The following WDR70 variants were observed in gnomAD, a reference collection of about 807,000 sequenced individuals.
WDR70 encodes the protein WD repeat-containing protein 70.
In WDR70, 53 loss-of-function variants were observed where a neutral mutation model predicts 88.6. The observed-to-expected ratio is 0.60, with a 90% confidence interval of 0.48 to 0.75. The LOEUF (loss-of-function observed/expected upper bound fraction) is 0.75, where lower values mean the gene tolerates loss of function less well. Among genes scored for constraint, WDR70 ranks in the 30% least tolerant of loss-of-function variants. The pLI, the probability that WDR70 is intolerant of heterozygous loss-of-function variation, is 0.00. For missense variants in WDR70, 610 were observed against 823.2 expected (o/e 0.74, Z 3.17); for synonymous variants, 280 against 270.0 (o/e 1.04, Z -0.36).
chr5:37,492,054 C>T (rs937915052), intron 8 of WDR70, among the ~76,000 whole-genome samples: 4 of 152,114 alleles, frequency 2.6e-5, no homozygotes, highest in Non-Finnish European at 5.9e-5. Flanking sequence ...TCTAGTGATC[C>T]ATGGCTTCAT....
chr5:37,515,019 G>GAA (rs770128168), intron 8 of WDR70, among the ~76,000 whole-genome samples: 5 of 53,010 alleles, frequency 9.4e-5, no homozygotes, highest in Non-Finnish European at 1.3e-4. Context: ...CCTGTCTCAA[G>GAA]AAAAAAAAAA....
chr5:37,573,926 C>T (rs1048146621), intron 9 of WDR70, among the ~76,000 whole-genome samples: 2 of 152,080 alleles, frequency 1.3e-5, no homozygotes, highest in African/African-American at 4.8e-5. Context: ...TTGTTCTTGG[C>T]TTTTGTGACT....
chr5:37,618,991 A>AT (rs887795394), intron 10 of WDR70, among the ~76,000 whole-genome samples: 3 of 152,168 alleles, frequency 2.0e-5, no homozygotes, highest in African/African-American at 4.8e-5. Context: ...TGTAAGGCTT[A>AT]TTTTTTACAG....
intron 7 of WDR70, among the ~76,000 whole-genome samples, chr5:37,476,090 A>T (rs1047161145): frequency 2.0e-5 from 3 of 151,910 alleles, no homozygotes; most frequent in African/African-American, 7.3e-5. Flanking sequence ...ATCTCAGGTG[A>T]TCCACCCACC....
chr5:37,678,940 C>CT (rs1310437640), intron 10 of WDR70, among the ~76,000 whole-genome samples: 1 of 128,972 alleles, frequency 7.8e-6, no homozygotes, highest in Non-Finnish European at 1.7e-5. Flanking sequence ...TCTTTTTATT[C>CT]TTTTTTCTCT....
Position 37,385,518 on chromosome 5 carries a change from CAAAAA to C in WDR70, c.175+3854_175+3858del, listed in dbSNP as rs1160087859. On this transcript the variant is annotated intron_variant, in intron 3 of 17. Coordinates refer to ENST00000265107, the MANE Select transcript of WDR70 (RefSeq NM_018034.4). ...TGAGTAAAAAAGCGAGAGCCTGTCT[CAAAAA>C]AAAAAAAAAAAAAAAAAAAATTTCT... Among the ~76,000 whole-genome samples the C allele has an allele frequency of 1.9e-4, 13 of 67,870 alleles. No homozygotes were observed. In the South Asian group the frequency reaches 5.2e-3, roughly 27 times the overall value. The allele number at this position is 67,870 out of a possible 152,430, so 44.5% of individuals were successfully genotyped here.
At position 37,752,505 on chromosome 5, in the gene WDR70, T is replaced by C; in HGVS notation, c.1897T>C (p.Phe633Leu). 1 of 1,612,232 alleles carries C rather than the reference T, an allele frequency of 6.2e-7. No individual in the cohort carries two copies. Among genetic ancestry groups the C allele is most frequent in the South Asian group, 1.1e-5 (1 of 90,686 alleles). Residue 633 changes from phenylalanine to leucine, a missense_variant, in exon 18 of 18, where the codon TTT becomes CTT. Coordinates refer to ENST00000265107, the MANE Select transcript of WDR70 (RefSeq NM_018034.4). ...TTTTAGGACTCAGCCCAAAACCATG[T>C]TTGCCCAAGTTGAATCTGATGATGA... ...AYSKTQPKTM[F>L]AQVESDDEEA...
intron 9 of WDR70, among the ~76,000 whole-genome samples, chr5:37,533,424 T>C (rs1741558899): frequency 6.6e-6 from 1 of 151,730 alleles, no homozygotes; most frequent in South Asian, 2.1e-4. Context: ...AATCCCTGTC[T>C]CTACTTAAAA....
intron 9 of WDR70, among the ~76,000 whole-genome samples, chr5:37,551,300 T>C (rs1490935963): frequency 3.3e-5 from 5 of 151,232 alleles, no homozygotes; most frequent in Non-Finnish European, 7.4e-5. Flanking sequence ...AGTAAAACTT[T>C]GTTCCCCCCC....
At chr5:37,526,832 C>A (rs1347730181) in intron 9 of WDR70, among the ~76,000 whole-genome samples, 1 of 152,104 alleles carries the variant, frequency 6.6e-6, no homozygotes, top group Non-Finnish European at 1.5e-5. Flanking sequence ...CATTCTTATA[C>A]AGCAATAACA....
rs545060363 is a variant in WDR70 at position 37,670,368 on chromosome 5, A to T, written c.1093-27287A>T. Among the ~76,000 whole-genome samples, 9 of 152,294 alleles carry T rather than the reference A, an allele frequency of 5.9e-5. No individual in the cohort carries two copies. The South Asian group carries it at 1.9e-3, about 32-fold the overall frequency. Reference sequence around the variant, plus strand: ...GAGGCAGCGAGAGTGTCAGTCATTTATGCTTTTCACGATGGGAGGTGTGAG... The same window carrying T: ...GAGGCAGCGAGAGTGTCAGTCATTTTTGCTTTTCACGATGGGAGGTGTGAG... On this transcript the variant is annotated intron_variant, in intron 10 of 17. Coordinates refer to ENST00000265107, the MANE Select transcript of WDR70 (RefSeq NM_018034.4).
chr5:37,691,359 A>T (rs1746789192), intron 10 of WDR70, among the ~76,000 whole-genome samples: 1 of 152,166 alleles, frequency 6.6e-6, no homozygotes, highest in Non-Finnish European at 1.5e-5. Flanking sequence ...CACCAAGCGG[A>T]CCTAGTAGAC....
chr5:37,589,287 C>CAT (rs769055006), intron 9 of WDR70, among the ~76,000 whole-genome samples: 1 of 144,930 alleles, frequency 6.9e-6, no homozygotes, highest in African/African-American at 2.6e-5. Flanking sequence ...CACACACACA[C>CAT]GATATATTTA....
chr5:37,418,700 A>G lies in WDR70; in HGVS notation c.493-19222A>G, dbSNP rs559325304. The stretch of plus-strand genomic sequence containing the variant: ...TCAAAAATCTCTTGGCATATCTAGT[A>G]CTTTCTAAAAACTTTTTTTCTGTTA... On this transcript the variant is annotated intron_variant, in intron 5 of 17. Coordinates refer to ENST00000265107, the MANE Select transcript of WDR70 (RefSeq NM_018034.4). Among the ~76,000 whole-genome samples, 3 of 152,240 alleles carry G rather than the reference A, an allele frequency of 2.0e-5. No homozygotes were observed. In the East Asian group the frequency reaches 5.8e-4, roughly 29 times the overall value.
chr5:37,392,181 T>TG, intron 4 of WDR70, 61 bp downstream of exon 4: 1 of 1,525,024 alleles, frequency 6.6e-7, no homozygotes, highest in South Asian at 1.3e-5. Flanking sequence ...TATAGAGTTT[T>TG]TTTTTTTTTT....
At chr5:37,583,283 A>G (rs1743271822) in intron 9 of WDR70, among the ~76,000 whole-genome samples, 3 of 152,106 alleles carry the variant, frequency 2.0e-5, no homozygotes, top group South Asian at 2.1e-4. Context: ...AAAGTTAGCC[A>G]GGCGTGGTGG....
intron 10 of WDR70, among the ~76,000 whole-genome samples, chr5:37,608,155 C>T (rs1744088742): frequency 6.6e-6 from 1 of 151,324 alleles, no homozygotes; most frequent in Non-Finnish European, 1.5e-5. Flanking sequence ...GGTTCTTCTG[C>T]CTCAGCCTCC....
chr5:37,564,131 G>T (rs2112387376), intron 9 of WDR70, among the ~76,000 whole-genome samples: 1 of 150,386 alleles, frequency 6.6e-6, no homozygotes, highest in South Asian at 2.1e-4. Flanking sequence ...GGTGGCGGCT[G>T]GGCAGAGGCT....
chr5:37,443,515 T>A, intron 7 of WDR70, 143 bp downstream of exon 7: 1 of 941,104 alleles, frequency 1.1e-6, no homozygotes, highest in Non-Finnish European at 1.5e-6. Context: ...GCCTTCATAA[T>A]TTAAATGAAG....
Sources: allele counts gnomAD v4.1 joint callset (sites outside exome capture counted in the v4.1 genomes callset), GRCh38; gene constraint gnomAD v4.1.1; transcripts MANE v1.5; gene names NCBI Gene and HGNC (gene_info 2026-07-23, HGNC 2026-07-21).